SPATS2L: variants seen among roughly 807,000 people sequenced by gnomAD.
SPATS2L encodes the protein SPATS2-like protein.
A neutral mutation model predicts 59.6 loss-of-function variants in SPATS2L; 30 were observed. The observed-to-expected ratio is 0.50, with a 90% CI of 0.38 to 0.68. The LOEUF (loss-of-function observed/expected upper bound fraction) is 0.68. SPATS2L is among the 30% of genes least tolerant of loss of function. The probability of loss-of-function intolerance (pLI) is 0.00; values close to 1 mark genes in which losing one functional copy is unlikely to be tolerated. For synonymous variants in SPATS2L, 252 were observed against 263.5 expected (o/e 0.96, Z 0.42); for missense variants, 615 against 700.0 (o/e 0.88, Z 1.37).
At chr2:200,307,821 G>C (rs1231231371) in intron 1 of SPATS2L, among the ~76,000 whole-genome samples, 1 of 152,220 alleles carries the variant, frequency 6.6e-6, no homozygotes, top group Non-Finnish European at 1.5e-5. Context: ...CCGCAATCCT[G>C]GTTTTAGCAG....
At chr2:200,337,939 A>G (rs2080197743) in intron 2 of SPATS2L, among the ~76,000 whole-genome samples, 2 of 152,234 alleles carry the variant, frequency 1.3e-5, no homozygotes, top group African/African-American at 4.8e-5. Context: ...TATTTGTTGA[A>G]TGAACATATA....
In SPATS2L at chr2:200,473,039, C is replaced by G. The variant is rs769404567; in HGVS notation, c.1268C>G (p.Pro423Arg). 5 of 1,612,426 alleles carry G rather than the reference C, an allele frequency of 3.1e-6. No individual in the cohort carries two copies. The highest frequency in any genetic ancestry group is 4.2e-6 in the Non-Finnish European group (5 of 1,179,420). The change falls in exon 12 of 13, where the codon CCG (proline) becomes CGG (arginine). Residue 423 changes from proline (P) to arginine (R), a missense_variant. Pro to Arg is a moderately radical substitution (Grantham distance 103, BLOSUM62 -2). Coordinates refer to ENST00000409140, the MANE Select transcript of SPATS2L (RefSeq NM_001100423.2). ...GCCGACCCCTCTCACCAGACCATGCCGGCCAACAAGCAGGTAAGCCGACAC... is the reference window on the plus strand; with the variant it reads ...GCCGACCCCTCTCACCAGACCATGCGGGCCAACAAGCAGGTAAGCCGACAC... ...STADPSHQTMPANKQNGSSNQ... is the reference protein window; with the variant it reads ...STADPSHQTMRANKQNGSSNQ...
intron 8 of SPATS2L, among the ~76,000 whole-genome samples, chr2:200,446,567 A>G (rs1187637727): frequency 1.7e-4 from 26 of 152,108 alleles, no homozygotes; most frequent in Admixed American, 1.5e-3. Context: ...CGTCTCTCCC[A>G]CCTCTCCTGT....
intron 2 of SPATS2L, chr2:200,378,422 G>A: frequency 2.0e-6 from 2 of 1,001,148 alleles, no homozygotes; most frequent in Non-Finnish European, 2.4e-6. Context: ...CAGTAATGGG[G>A]TGGGAAAGGG....
intron 6 of SPATS2L, among the ~76,000 whole-genome samples, chr2:200,435,545 A>C (rs1390525993): frequency 6.6e-6 from 1 of 152,186 alleles, no homozygotes; most frequent in South Asian, 2.1e-4. Flanking sequence ...GTAGGCATGC[A>C]TAGCACTGAA....
chr2:200,375,476 G>A (rs944098586), intron 2 of SPATS2L, among the ~76,000 whole-genome samples: 1 of 152,156 alleles, frequency 6.6e-6, no homozygotes, highest in Non-Finnish European at 1.5e-5. Context: ...GGCCCAATAA[G>A]GATGATATAG....
At chr2:200,438,505 T>C (rs551332161) in intron 6 of SPATS2L, among the ~76,000 whole-genome samples, 2 of 152,336 alleles carry the variant, frequency 1.3e-5, no homozygotes, top group South Asian at 4.1e-4. Context: ...GCCACATCTA[T>C]TAAATCTCCA....
At chr2:200,407,934 C>T (rs943785431) in intron 3 of SPATS2L, among the ~76,000 whole-genome samples, 25 of 152,224 alleles carry the variant, frequency 1.6e-4, no homozygotes, top group Admixed American at 1.6e-3. Flanking sequence ...ATACCTACTA[C>T]ATGCACCGTA....
intron 8 of SPATS2L, among the ~76,000 whole-genome samples, chr2:200,441,457 C>G (rs1434610719): frequency 6.6e-6 from 1 of 152,176 alleles, no homozygotes; most frequent in South Asian, 2.1e-4. Context: ...AATCAAGTCA[C>G]AGAAGTTAAA....
chr2:200,398,239 C>T (rs925431518), intron 3 of SPATS2L, among the ~76,000 whole-genome samples: 8 of 152,098 alleles, frequency 5.3e-5, no homozygotes, highest in East Asian at 1.9e-4. Context: ...TGTTGATTTC[C>T]GTAGCTGCCA....
At chr2:200,309,142 T>C (rs1376164859) in intron 1 of SPATS2L, 6 of 717,548 alleles carry the variant, frequency 8.4e-6, no homozygotes, top group Non-Finnish European at 1.6e-5. Flanking sequence ...TATCTCACTT[T>C]GGGGCCTAAT....
chr2:200,433,717 A>T (rs1384941713), intron 6 of SPATS2L, among the ~76,000 whole-genome samples: 2 of 152,098 alleles, frequency 1.3e-5, no homozygotes, highest in Non-Finnish European at 2.9e-5. Context: ...AAATCCAACA[A>T]CTTAAATGAA....
intron 2 of SPATS2L, among the ~76,000 whole-genome samples, chr2:200,376,825 G>A (rs2081616131): frequency 6.6e-6 from 1 of 152,166 alleles, no homozygotes; most frequent in South Asian, 2.1e-4. Context: ...GCTTCGGGCC[G>A]CCACCCTCTC....
chr2:200,372,907 G>A (rs561903437), intron 2 of SPATS2L, among the ~76,000 whole-genome samples: 1 of 152,178 alleles, frequency 6.6e-6, no homozygotes, highest in African/African-American at 2.4e-5. Flanking sequence ...TGTTTGGTTT[G>A]TTCACTGCTG....
At chr2:200,387,775 A>G (rs1159900429) in intron 2 of SPATS2L, among the ~76,000 whole-genome samples, 2 of 152,226 alleles carry the variant, frequency 1.3e-5, no homozygotes, top group African/African-American at 4.8e-5. Flanking sequence ...AATAGGTGGT[A>G]TATGTTGATA....
chr2:200,364,962 AT>A (rs1387665567), intron 2 of SPATS2L, among the ~76,000 whole-genome samples: 1 of 152,146 alleles, frequency 6.6e-6, no homozygotes, highest in Non-Finnish European at 1.5e-5. Context: ...TGTTTTATTG[AT>A]TAAGAAAGTC....
At chr2:200,306,035 T>C (rs2079002969), upstream of SPATS2L, 2 of 985,338 alleles carry the variant, frequency 2.0e-6, no homozygotes, top group East Asian at 1.1e-4. Context: ...ACTTGGTTAT[T>C]ACACACACGT....
At chr2:200,385,703 T>C (rs2081968325) in intron 2 of SPATS2L, among the ~76,000 whole-genome samples, 1 of 152,102 alleles carries the variant, frequency 6.6e-6, no homozygotes, top group Non-Finnish European at 1.5e-5. Context: ...TAAAATTTTT[T>C]TTTTTTTTAG....
chr2:200,307,574 C>CG (rs1240782751), intron 1 of SPATS2L, among the ~76,000 whole-genome samples: 1 of 152,160 alleles, frequency 6.6e-6, no homozygotes. Flanking sequence ...CGCATTTGGG[C>CG]GGGGGGACCC....
Sources: gnomAD v4.1 joint callset for allele counts (sites outside exome capture counted in the v4.1 genomes callset) on GRCh38, gnomAD v4.1.1 for gene constraint, MANE v1.5 for transcripts, NCBI Gene and HGNC (gene_info 2026-07-23, HGNC 2026-07-21) for gene names.